The following DAB1 variants were observed in gnomAD, a reference collection of about 807,000 sequenced individuals.
The protein encoded by DAB1 is disabled homolog 1.
In DAB1, 15 loss-of-function variants were observed where a neutral mutation model predicts 64.6. The observed-to-expected ratio is 0.23, with a 90% CI of 0.16 to 0.36. The LOEUF is 0.36. DAB1 is among the 10% of genes least tolerant of loss of function. The probability of loss-of-function intolerance (pLI) is 1.00; values close to 1 mark genes in which losing one functional copy is unlikely to be tolerated. For missense variants in DAB1, 596 were observed against 706.7 expected (o/e 0.84, Z 1.78); for synonymous variants, 235 against 251.9 (o/e 0.93, Z 0.64).
At chr1:57,012,801 G>A (rs956756577) in intron 12 of DAB1, among the ~76,000 whole-genome samples, 3 of 152,190 alleles carry the variant, frequency 2.0e-5, no homozygotes, top group Non-Finnish European at 4.4e-5. Context: ...ATTTGAAGTG[G>A]ATTTTTGCTT....
At chr1:57,983,189 C>T (rs1334276498) in intron 5 of DAB1, among the ~76,000 whole-genome samples, 1 of 152,156 alleles carries the variant, frequency 6.6e-6, no homozygotes, top group Non-Finnish European at 1.5e-5. Flanking sequence ...TTATGACACC[C>T]AAGATGTACA....
chr1:57,018,703 C>A (rs761803947), intron 11 of DAB1, among the ~76,000 whole-genome samples: 1 of 152,118 alleles, frequency 6.6e-6, no homozygotes, highest in Non-Finnish European at 1.5e-5. Flanking sequence ...TGCTTTTATT[C>A]CACCCTCCTT....
intron 4 of DAB1, among the ~76,000 whole-genome samples, chr1:57,105,484 C>T: frequency 6.6e-6 from 1 of 152,074 alleles, no homozygotes; most frequent in East Asian, 1.9e-4. Flanking sequence ...TAGTAGGTGC[C>T]TGTCACATTG....
At chr1:57,635,340 G>A (rs1224571456) in intron 7 of DAB1, among the ~76,000 whole-genome samples, 3 of 152,130 alleles carry the variant, frequency 2.0e-5, no homozygotes, top group Admixed American at 2.0e-4. Flanking sequence ...AGTAGGAGGT[G>A]AGCGGCAGGC....
intron 6 of DAB1, among the ~76,000 whole-genome samples, chr1:57,772,714 T>C (rs1338762397): frequency 6.6e-6 from 1 of 152,082 alleles, no homozygotes; most frequent in African/African-American, 2.4e-5. Context: ...AGCCTTGCCA[T>C]TCTAGTAGGC....
Position 58,140,374 on chromosome 1 carries a change from C to T in DAB1, n.387+10137G>A, listed in dbSNP as rs540836785. On this transcript the variant is annotated intron_variant and non_coding_transcript_variant, in intron 5 of 20. Transcript: ENST00000485760. ...CAGGTATCCATCTGCTTGGCAAGTG[C>T]TGGCATTTTCAGCCTTTGTCTCCCT... Among the ~76,000 whole-genome samples, 4 of 152,270 alleles carry T rather than the reference C, an allele frequency of 2.6e-5. No individual in the cohort carries two copies. The South Asian group carries it at 6.2e-4, about 24-fold the overall frequency.
chr1:57,441,407 G>A (rs1685956484), intron 7 of DAB1, among the ~76,000 whole-genome samples: 2 of 149,828 alleles, frequency 1.3e-5, no homozygotes, highest in African/African-American at 4.9e-5. Flanking sequence ...AGAGGCTGGA[G>A]TGTACTGACC....
chr1:57,822,806 T>C (rs1218824351), downstream of DAB1, among the ~76,000 whole-genome samples: 1 of 152,130 alleles, frequency 6.6e-6, no homozygotes, highest in African/African-American at 2.4e-5. Flanking sequence ...CCAGTAAATC[T>C]AAATTATTAC....
intron 1 of DAB1, among the ~76,000 whole-genome samples, chr1:57,369,256 G>C (rs1411913107): frequency 1.3e-5 from 2 of 152,190 alleles, no homozygotes; most frequent in African/African-American, 4.8e-5. Context: ...TAATCAATGA[G>C]AGTAAAAACC....
At chr1:57,109,106 T>G (rs1209824592) in intron 4 of DAB1, among the ~76,000 whole-genome samples, 6 of 152,204 alleles carry the variant, frequency 3.9e-5, no homozygotes, top group African/African-American at 7.2e-5. Context: ...TGGATCTTTC[T>G]GATGGACTGA....
intron 6 of DAB1, among the ~76,000 whole-genome samples, chr1:57,701,857 T>C (rs901187937): frequency 6.6e-6 from 1 of 152,146 alleles, no homozygotes; most frequent in African/African-American, 2.4e-5. Flanking sequence ...GGTCTTATTA[T>C]TATTTCACCT....
chr1:58,499,882 A>C (rs1422201991), intron 3 of DAB1, among the ~76,000 whole-genome samples: 2 of 152,202 alleles, frequency 1.3e-5, no homozygotes, highest in African/African-American at 2.4e-5. Context: ...CTGCTAATAC[A>C]CATCAGTATT....
chr1:58,524,594 T>C (rs1001926664), intron 2 of DAB1, among the ~76,000 whole-genome samples: 8 of 152,238 alleles, frequency 5.3e-5, no homozygotes, highest in African/African-American at 1.9e-4. Context: ...GTTGCAGCTA[T>C]GACTTCACAA....
At chr1:57,274,367 C>T (rs1409033438) in intron 2 of DAB1, among the ~76,000 whole-genome samples, 4 of 152,148 alleles carry the variant, frequency 2.6e-5, no homozygotes, top group South Asian at 2.1e-4. Flanking sequence ...CAGCTGTGGG[C>T]CCTGAGCAAG....
At chr1:57,498,985 G>A (rs1644260431) in intron 7 of DAB1, among the ~76,000 whole-genome samples, 1 of 152,060 alleles carries the variant, frequency 6.6e-6, no homozygotes, top group Non-Finnish European at 1.5e-5. Flanking sequence ...GTTTTGTTTT[G>A]TTTTGTTTTG....
At chr1:57,477,879 T>C (rs538710390) in intron 7 of DAB1, among the ~76,000 whole-genome samples, 1 of 152,150 alleles carries the variant, frequency 6.6e-6, no homozygotes, top group African/African-American at 2.4e-5. Flanking sequence ...TAAAATGCAG[T>C]GCCTTTCCCA....
At chr1:57,462,440 G>T (rs1686816344) in intron 7 of DAB1, among the ~76,000 whole-genome samples, 1 of 152,182 alleles carries the variant, frequency 6.6e-6, no homozygotes, top group South Asian at 2.1e-4. Flanking sequence ...TTCTTGTGGA[G>T]TGAGGGGTAC....
At chr1:57,929,174 C>A (rs1335401031) in intron 5 of DAB1, among the ~76,000 whole-genome samples, 1 of 152,152 alleles carries the variant, frequency 6.6e-6, no homozygotes, top group Non-Finnish European at 1.5e-5. Flanking sequence ...GATTTGTATT[C>A]TCCTTTGTTA....
At chr1:57,734,848 G>C (rs930839426) in intron 6 of DAB1, among the ~76,000 whole-genome samples, 1 of 152,142 alleles carries the variant, frequency 6.6e-6, no homozygotes, top group Admixed American at 6.5e-5. Flanking sequence ...GCTACATTCA[G>C]GACTGGATCA....
Sources: allele counts gnomAD v4.1 joint callset (sites outside exome capture counted in the v4.1 genomes callset), GRCh38; gene constraint gnomAD v4.1.1; transcripts MANE v1.5; gene names NCBI Gene and HGNC (gene_info 2026-07-23, HGNC 2026-07-21).